CNTNAP2: variants seen among roughly 807,000 people sequenced by gnomAD.
The protein encoded by CNTNAP2 is contactin-associated protein-like 2.
A neutral mutation model predicts 155.2 loss-of-function variants in CNTNAP2; 98 were observed. That is an observed-to-expected ratio of 0.63 (90% CI 0.54 to 0.75). The LOEUF is 0.75. Among genes scored for constraint, CNTNAP2 ranks in the 30% least tolerant of loss-of-function variants. CNTNAP2 has a pLI of 0.00. For synonymous variants in CNTNAP2, 651 were observed against 631.2 expected, an observed-to-expected ratio of 1.03 and a Z score of -0.47; for missense variants, 1,727 against 1,688.1, an observed-to-expected ratio of 1.02 and a Z score of -0.40.
At chr7:147,355,468 A>G (rs889310505) in intron 9 of CNTNAP2, among the ~76,000 whole-genome samples, 2 of 152,130 alleles carry the variant, frequency 1.3e-5, no homozygotes, top group African/African-American at 2.4e-5. Flanking sequence ...AGATACAGAT[A>G]CAAAAAACCT....
At chr7:146,424,133 A>C (rs1796053371) in intron 1 of CNTNAP2, among the ~76,000 whole-genome samples, 2 of 152,160 alleles carry the variant, frequency 1.3e-5, no homozygotes, top group Non-Finnish European at 2.9e-5. Context: ...TCAATGTGAA[A>C]ATTAATCTAA....
intron 10 of CNTNAP2, among the ~76,000 whole-genome samples, chr7:147,481,765 C>A (rs1393745437): frequency 5.3e-5 from 8 of 152,112 alleles, no homozygotes; most frequent in Non-Finnish European, 1.2e-4. Context: ...CAACTTCTCC[C>A]CTGTACCTTC....
chr7:147,691,600 C>T (rs926973285), intron 13 of CNTNAP2, among the ~76,000 whole-genome samples: 1 of 152,058 alleles, frequency 6.6e-6, no homozygotes, highest in Non-Finnish European at 1.5e-5. Context: ...TAGGATTTCC[C>T]CCACACATTT....
intron 8 of CNTNAP2, among the ~76,000 whole-genome samples, chr7:147,228,697 T>G (rs771815410): frequency 5.3e-5 from 8 of 152,188 alleles, no homozygotes; most frequent in Non-Finnish European, 1.0e-4. Context: ...GGGATACATG[T>G]GCAGAACATG....
chr7:146,931,426 C>T (rs550739752), intron 3 of CNTNAP2, among the ~76,000 whole-genome samples: 4,716 of 139,434 alleles, frequency 0.034, 96 homozygotes, highest in African/African-American at 0.078. Context: ...CTCTGGGACG[C>T]ATTCAAAGCA....
intron 9 of CNTNAP2, among the ~76,000 whole-genome samples, chr7:147,322,280 A>G (rs1795366877): frequency 6.6e-6 from 1 of 152,208 alleles, no homozygotes; most frequent in Admixed American, 6.5e-5. Context: ...ATATCCAGGT[A>G]AAGATCTAAG....
At chr7:148,296,943 G>T (rs1797296499) in intron 21 of CNTNAP2, among the ~76,000 whole-genome samples, 1 of 152,182 alleles carries the variant, frequency 6.6e-6, no homozygotes, top group African/African-American at 2.4e-5. Flanking sequence ...GCCAGCTCAA[G>T]AACTGACTTA....
intron 1 of CNTNAP2, among the ~76,000 whole-genome samples, chr7:146,692,916 T>G (rs1204138754): frequency 6.6e-6 from 1 of 152,104 alleles, no homozygotes; most frequent in Non-Finnish European, 1.5e-5. Context: ...TCAGCCACCA[T>G]GGTATGAAAC....
chr7:147,406,493 C>T (rs1181547764), intron 10 of CNTNAP2, among the ~76,000 whole-genome samples: 1 of 151,998 alleles, frequency 6.6e-6, no homozygotes, highest in African/African-American at 2.4e-5. Context: ...ATTTCCATTT[C>T]CTCTTTGTAT....
At chr7:147,963,522 A>T (rs945276763) in intron 14 of CNTNAP2, among the ~76,000 whole-genome samples, 1 of 152,164 alleles carries the variant, frequency 6.6e-6, no homozygotes, top group Admixed American at 6.6e-5. Flanking sequence ...AGGGCGCAAC[A>T]TGTACAAACA....
At chr7:147,324,366 C>T (rs9969256) in intron 9 of CNTNAP2, among the ~76,000 whole-genome samples, 74,671 of 151,950 alleles carry the variant, frequency 0.49, 19,510 homozygotes, top group East Asian at 0.73. Flanking sequence ...TAGAAGACAA[C>T]AGTGTGCATG....
At chr7:146,162,725 C>T (rs1798243963) in intron 1 of CNTNAP2, among the ~76,000 whole-genome samples, 1 of 152,144 alleles carries the variant, frequency 6.6e-6, no homozygotes, top group Admixed American at 6.5e-5. Flanking sequence ...TATTGCACCA[C>T]TATTCACAAT....
intron 8 of CNTNAP2, among the ~76,000 whole-genome samples, chr7:147,179,964 G>C (rs1352155853): frequency 6.6e-6 from 1 of 152,178 alleles, no homozygotes; most frequent in African/African-American, 2.4e-5. Context: ...ACAGGTGTCA[G>C]GGATAGAGGA....
At chr7:146,677,950 G>T (rs1228194597) in intron 1 of CNTNAP2, among the ~76,000 whole-genome samples, 4 of 152,136 alleles carry the variant, frequency 2.6e-5, no homozygotes, top group African/African-American at 7.2e-5. Context: ...CTCTGGGCCT[G>T]CATACCTCGC....
chr7:146,844,337 C>A (rs965827639), intron 3 of CNTNAP2, among the ~76,000 whole-genome samples: 1 of 152,042 alleles, frequency 6.6e-6, no homozygotes, highest in Non-Finnish European at 1.5e-5. Flanking sequence ...TGATACTGAG[C>A]ATAATAGAAT....
At chr7:147,991,136 G>A (rs768266336) in intron 15 of CNTNAP2, among the ~76,000 whole-genome samples, 3 of 152,108 alleles carry the variant, frequency 2.0e-5, no homozygotes, top group Non-Finnish European at 4.4e-5. Flanking sequence ...CTGGGACAAA[G>A]ACCAAATTAA....
intron 15 of CNTNAP2, among the ~76,000 whole-genome samples, chr7:148,063,345 T>C (rs956330811): frequency 1.3e-5 from 2 of 152,086 alleles, no homozygotes; most frequent in Admixed American, 6.6e-5. Context: ...TCTCTTCAAA[T>C]ATTTTCATCA....
intron 14 of CNTNAP2, among the ~76,000 whole-genome samples, chr7:147,919,723 G>T (rs140703977): frequency 1.3e-5 from 2 of 151,700 alleles, no homozygotes; most frequent in African/African-American, 4.8e-5. Context: ...CTCCCAAAGT[G>T]CTGGGATTAC....
At chr7:147,899,643 G>A (rs1799830526) in intron 13 of CNTNAP2, among the ~76,000 whole-genome samples, 1 of 152,104 alleles carries the variant, frequency 6.6e-6, no homozygotes, top group Non-Finnish European at 1.5e-5. Context: ...TTCGCACTTT[G>A]AGAGGCCAAG....
Sources: allele counts gnomAD v4.1 joint callset (sites outside exome capture counted in the v4.1 genomes callset), GRCh38; gene constraint gnomAD v4.1.1; transcripts MANE v1.5; gene names NCBI Gene and HGNC (gene_info 2026-07-23, HGNC 2026-07-21).